VPS13B: variants seen among roughly 807,000 people sequenced by gnomAD.
The protein encoded by VPS13B is intermembrane lipid transfer protein VPS13B.
In VPS13B, 285 loss-of-function variants were observed where a neutral mutation model predicts 426.4. The ratio of observed to expected loss-of-function variants is 0.67; its 90% confidence interval spans 0.61 to 0.74. VPS13B has a LOEUF of 0.74. Ranked by LOEUF, VPS13B falls within the 30% of genes least tolerant of loss-of-function variation. The pLI is 0.00. For synonymous variants in VPS13B, 1,676 were observed against 1,676.4 expected, an observed-to-expected ratio of 1.00 and a Z score of 0.01; for missense variants, 4,537 against 4,782.6, an observed-to-expected ratio of 0.95 and a Z score of 1.51.
chr8:99,580,333 T>C (rs1318778701), intron 33 of VPS13B, among the ~76,000 whole-genome samples: 1 of 148,458 alleles, frequency 6.7e-6, no homozygotes, highest in Non-Finnish European at 1.5e-5. Flanking sequence ...TAAATATATA[T>C]ATATATATTT....
chr8:99,413,954 A>G (rs911474383), intron 21 of VPS13B, among the ~76,000 whole-genome samples: 11 of 152,218 alleles, frequency 7.2e-5, no homozygotes, highest in African/African-American at 2.4e-4. Context: ...TGCTTGGTCC[A>G]GAGCTGAGTT....
chr8:99,270,871 A>G (rs1818555260), intron 17 of VPS13B, among the ~76,000 whole-genome samples: 1 of 152,172 alleles, frequency 6.6e-6, no homozygotes, highest in Admixed American at 6.6e-5. Flanking sequence ...TAAGTTATCT[A>G]TTGATTATAG....
chr8:99,360,120 A>ATCTTTCTTTCTTTCTT (rs772269369), intron 19 of VPS13B, among the ~76,000 whole-genome samples: 1 of 62,376 alleles, frequency 1.6e-5, no homozygotes, highest in South Asian at 6.4e-4. Context: ...TTTTTTCCTT[A>ATCTTTCTTTCTTTCTT]TCTTTCTTTC....
intron 29 of VPS13B, among the ~76,000 whole-genome samples, chr8:99,514,573 TG>T (rs1424852697): frequency 6.6e-6 from 1 of 152,238 alleles, no homozygotes; most frequent in African/African-American, 2.4e-5. Context: ...CTTAGCATAA[TG>T]TTTTCAAGGC....
chr8:99,735,412 CAA>C (rs1170017740), intron 39 of VPS13B, among the ~76,000 whole-genome samples: 1 of 151,918 alleles, frequency 6.6e-6, no homozygotes, highest in Non-Finnish European at 1.5e-5. Flanking sequence ...CCTTATAAGA[CAA>C]AGGAAATTTG....
At chr8:99,816,773 C>A (rs750721991) in intron 44 of VPS13B, among the ~76,000 whole-genome samples, 5 of 151,914 alleles carry the variant, frequency 3.3e-5, no homozygotes, top group African/African-American at 1.2e-4. Context: ...CCACTACACT[C>A]CAGCCTGGGC....
chr8:99,314,541 A>G (rs3134305), intron 19 of VPS13B, among the ~76,000 whole-genome samples: 125,712 of 152,128 alleles, frequency 0.83, 52,453 homozygotes, highest in South Asian at 0.89. Flanking sequence ...AACTATTATT[A>G]TATTGGAGTG....
chr8:99,843,627 G>T (rs1226063665), intron 54 of VPS13B, among the ~76,000 whole-genome samples: 1 of 152,174 alleles, frequency 6.6e-6, no homozygotes, highest in Non-Finnish European at 1.5e-5. Context: ...GCAGTCTCTT[G>T]CCTATGGCAG....
chr8:99,317,044 G>C (rs940541912), intron 19 of VPS13B, among the ~76,000 whole-genome samples: 1 of 152,234 alleles, frequency 6.6e-6, no homozygotes, highest in African/African-American at 2.4e-5. Flanking sequence ...CCTTGGGGCT[G>C]CTTCACAGGT....
At chr8:99,061,295 T>C (rs1264044790) in intron 3 of VPS13B, among the ~76,000 whole-genome samples, 5 of 102,744 alleles carry the variant, frequency 4.9e-5, no homozygotes, top group Non-Finnish European at 4.2e-5. Flanking sequence ...CTGCTAATTT[T>C]CTTTTTTTTT....
At chr8:99,698,324 C>G (rs538577145) in intron 35 of VPS13B, among the ~76,000 whole-genome samples, 2 of 152,180 alleles carry the variant, frequency 1.3e-5, no homozygotes, top group Non-Finnish European at 1.5e-5. Flanking sequence ...TGTGTGTGTC[C>G]TCCCATCTCG....
At chr8:99,352,692 C>T (rs1159819790) in intron 19 of VPS13B, among the ~76,000 whole-genome samples, 2 of 151,668 alleles carry the variant, frequency 1.3e-5, no homozygotes, top group Admixed American at 6.6e-5. Flanking sequence ...GACATGGTAG[C>T]GGGCGCCTCT....
At chr8:99,574,335 A>G (rs912829298) in intron 31 of VPS13B, among the ~76,000 whole-genome samples, 1 of 152,080 alleles carries the variant, frequency 6.6e-6, no homozygotes, top group African/African-American at 2.4e-5. Flanking sequence ...TTCCAACACT[A>G]TGTTGAATAG....
intron 19 of VPS13B, among the ~76,000 whole-genome samples, chr8:99,287,089 T>G (rs1819481618): frequency 6.6e-6 from 1 of 152,102 alleles, no homozygotes; most frequent in Admixed American, 6.6e-5. Flanking sequence ...AAATAAAATA[T>G]TCTAACCTGG....
In VPS13B at chr8:99,825,145, A is replaced by G. The variant is rs1345312318; in HGVS notation, c.9330+1167A>G. Among the ~76,000 whole-genome samples, 3 of 152,290 alleles carry G rather than the reference A, an allele frequency of 2.0e-5. No homozygotes were observed. The East Asian group carries it at 5.8e-4, about 29-fold the overall frequency. ...ATTTCTAGTTCTAGATCCTTGAGGA[A>G]TTGCCACACTGTGTTCCAATGGTTG... On this transcript the variant is annotated intron_variant, in intron 51 of 61. Transcript: ENST00000357162.
chr8:99,159,988 GT>G (rs895934577), intron 15 of VPS13B, among the ~76,000 whole-genome samples: 279 of 147,180 alleles, frequency 1.9e-3, no homozygotes, highest in African/African-American at 5.5e-3. Context: ...AGGTATATAA[GT>G]TTTTTTTTTT....
intron 25 of VPS13B, among the ~76,000 whole-genome samples, chr8:99,482,134 C>T (rs993606277): frequency 6.6e-6 from 1 of 152,126 alleles, no homozygotes; most frequent in Admixed American, 6.6e-5. Context: ...TTCCCTACCT[C>T]TGTTCCGCTA....
intron 17 of VPS13B, among the ~76,000 whole-genome samples, chr8:99,232,145 G>A (rs2132858802): frequency 6.6e-6 from 1 of 152,160 alleles, no homozygotes; most frequent in South Asian, 2.1e-4. Context: ...ATATGGGATT[G>A]AGATGGAGGG....
chr8:99,658,982 A>T (rs994480100), intron 34 of VPS13B, among the ~76,000 whole-genome samples: 1 of 152,046 alleles, frequency 6.6e-6, no homozygotes, highest in Non-Finnish European at 1.5e-5. Context: ...GGCAGGTGCC[A>T]CCACGCCCAG....
Sources: gnomAD v4.1 joint callset for allele counts (sites outside exome capture counted in the v4.1 genomes callset) on GRCh38, gnomAD v4.1.1 for gene constraint, MANE v1.5 for transcripts, NCBI Gene and HGNC (gene_info 2026-07-23, HGNC 2026-07-21) for gene names.